BDH1: variants seen among roughly 807,000 people sequenced by gnomAD.
The protein encoded by BDH1 is D-beta-hydroxybutyrate dehydrogenase, mitochondrial.
In BDH1, 30 loss-of-function variants were observed where a neutral mutation model predicts 33.1. The ratio of observed to expected loss-of-function variants is 0.91; its 90% confidence interval spans 0.68 to 1.23. BDH1 has a LOEUF of 1.23. Ranked by LOEUF, BDH1 falls within the 50% of genes most tolerant of loss-of-function variation. BDH1 has a pLI of 0.00. For missense variants in BDH1, 443 were observed against 464.4 expected (o/e 0.95, Z 0.42); for synonymous variants, 190 against 183.6 (o/e 1.03, Z -0.28).
Position 197,523,892 on chromosome 3 carries a change from G to A in BDH1, c.268-1111C>T, listed in dbSNP as rs1243164595. Among the ~76,000 whole-genome samples the A allele has an allele frequency of 2.6e-5, 4 of 152,162 alleles. No individual in the cohort carries two copies. The highest frequency in any genetic ancestry group is 4.8e-5 in the African/African-American group (2 of 41,440). ...GCCATTGGTTGCAGGCAGTGCAGAC[G>A]CATAAGGAGGTGGTGGATGCAGGGC... On this transcript the variant is annotated intron_variant, in intron 5 of 7. Transcript: ENST00000392379. The surrounding 1 kb of genome is among the most constrained non-coding windows in gnomAD (Gnocchi z 4.5).
At chr3:197,556,586 T>C (rs546535758), upstream of BDH1, among the ~76,000 whole-genome samples, 87 of 152,320 alleles carry the variant, frequency 5.7e-4, no homozygotes, top group African/African-American at 2.1e-3. Flanking sequence ...GAGAATCGCT[T>C]GAACCCAGGA....
intron 1 of BDH1, among the ~76,000 whole-genome samples, chr3:197,572,180 A>G (rs1266352871): frequency 6.6e-6 from 1 of 152,046 alleles, no homozygotes. Flanking sequence ...ATCTTAAGGA[A>G]CTCCCCAGAC....
intron 1 of BDH1, among the ~76,000 whole-genome samples, chr3:197,561,813 C>T (rs1717269885): frequency 6.6e-6 from 1 of 152,130 alleles, no homozygotes; most frequent in Non-Finnish European, 1.5e-5. Flanking sequence ...AAAACATGCA[C>T]TTGCTTTCTG....
At chr3:197,551,740 G>C (rs1215779781) in intron 2 of BDH1, among the ~76,000 whole-genome samples, 2 of 152,116 alleles carry the variant, frequency 1.3e-5, no homozygotes, top group Non-Finnish European at 2.9e-5. Flanking sequence ...TTCTGAGAAT[G>C]CCTCATTTAT....
upstream of BDH1, among the ~76,000 whole-genome samples, chr3:197,560,648 C>T (rs568771488): frequency 1.5e-3 from 229 of 152,290 alleles, 1 homozygote; most frequent in African/African-American, 5.1e-3. Flanking sequence ...CTGAGGAAAT[C>T]AATGTTCAAG....
chr3:197,553,527 CAAAAA>C (rs750811753), intron 2 of BDH1, among the ~76,000 whole-genome samples: 15 of 97,084 alleles, frequency 1.5e-4, no homozygotes, highest in African/African-American at 4.2e-4. Context: ...GACTCTGTCT[CAAAAA>C]AAAAAAAAAA....
chr3:197,524,647 C>T (rs767792301), intron 5 of BDH1, among the ~76,000 whole-genome samples: 2 of 149,480 alleles, frequency 1.3e-5, no homozygotes, highest in Admixed American at 6.7e-5. Flanking sequence ...CAAAATGAGG[C>T]GTGATCTTCA....
intron 1 of BDH1, among the ~76,000 whole-genome samples, chr3:197,568,300 T>A (rs764131728): frequency 6.6e-6 from 1 of 152,126 alleles, no homozygotes; most frequent in Non-Finnish European, 1.5e-5. Context: ...GGTTTTTTTT[T>A]TTTGGCTGGA....
intron 2 of BDH1, among the ~76,000 whole-genome samples, chr3:197,548,154 C>A (rs1716245559): frequency 6.6e-6 from 1 of 152,236 alleles, no homozygotes; most frequent in South Asian, 2.1e-4. Flanking sequence ...GAAAGTCGGC[C>A]TGTGGCCACA....
At chr3:197,563,211 T>C (rs965526693) in intron 1 of BDH1, among the ~76,000 whole-genome samples, 1 of 152,252 alleles carries the variant, frequency 6.6e-6, no homozygotes, top group Non-Finnish European at 1.5e-5. Context: ...GTTAATTAAA[T>C]TCATTTTAAT....
At chr3:197,568,683 G>T (rs1245860237) in intron 1 of BDH1, among the ~76,000 whole-genome samples, 2 of 152,000 alleles carry the variant, frequency 1.3e-5, no homozygotes, top group Non-Finnish European at 2.9e-5. Context: ...CATGGGTATG[G>T]GTTGTCTGTA....
chr3:197,563,165 C>T (rs2108774478), intron 1 of BDH1, among the ~76,000 whole-genome samples: 1 of 152,224 alleles, frequency 6.6e-6, no homozygotes, highest in South Asian at 2.1e-4. Context: ...TATTTGAAGG[C>T]CTTTATGATA....
At chr3:197,546,256 T>A in intron 3 of BDH1, 105 bp downstream of exon 3, 1 of 1,086,276 alleles carries the variant, frequency 9.2e-7, no homozygotes, top group Non-Finnish European at 1.4e-6. Context: ...TTGAGAGACA[T>A]CTCTGAGAAT....
At position 197,512,243 on chromosome 3, in the gene BDH1, G is replaced by A. The variant is rs1000703569; in HGVS notation, c.684C>T (p.Pro228=). 2 of 1,613,620 alleles carry A rather than the reference G, an allele frequency of 1.2e-6. No homozygotes were observed. The highest frequency in any genetic ancestry group is 1.7e-6 in the Non-Finnish European group (2 of 1,180,034). ...FSDCLRYEMY[P]LGVKVSVVEP... ...CCACCACGCTGACCTTCACGCCCAG[G>A]GGGTACATCTCATAGCGCAGGCAGT... The change falls in exon 8 of 8, where the codon CCC becomes CCT. Residue 228 remains proline (P), a synonymous_variant. Transcript: ENST00000392379.
upstream of BDH1, among the ~76,000 whole-genome samples, chr3:197,558,895 G>C (rs1717170555): frequency 6.6e-6 from 1 of 152,088 alleles, no homozygotes; most frequent in African/African-American, 2.4e-5. Context: ...CATTGTATTA[G>C]TCAAGCTGTC....
chr3:197,540,466 C>T (rs1359764826), intron 3 of BDH1, among the ~76,000 whole-genome samples: 8 of 150,986 alleles, frequency 5.3e-5, no homozygotes, highest in Admixed American at 2.6e-4. Context: ...GCCAGGAGTT[C>T]GAGACCAGCC....
At chr3:197,517,010 C>T (rs1712803256) in intron 6 of BDH1, among the ~76,000 whole-genome samples, 1 of 152,116 alleles carries the variant, frequency 6.6e-6, no homozygotes, top group African/African-American at 2.4e-5. Context: ...ACCCAGATCT[C>T]TCTGAGGACA....
rs1028437321 is a variant in BDH1 at position 197,521,625 on chromosome 3, G to T, written c.409+1015C>A. Among the ~76,000 whole-genome samples, 3 of 152,044 alleles carry T rather than the reference G, an allele frequency of 2.0e-5. No homozygotes were observed. The highest frequency in any genetic ancestry group is 2.9e-5 in the Non-Finnish European group (2 of 67,996). On this transcript the variant is annotated intron_variant, in intron 6 of 7. Transcript: ENST00000392379. The surrounding 1 kb of genome is among the most constrained non-coding windows in gnomAD (Gnocchi z 4.9). Reference sequence around the variant, plus strand: ...GCCTGGACATTCCCTCAGGGTGGGCGCTTCAGTGTCTCCCTATCTCCCCAC... The same window carrying T: ...GCCTGGACATTCCCTCAGGGTGGGCTCTTCAGTGTCTCCCTATCTCCCCAC...
intron 6 of BDH1, among the ~76,000 whole-genome samples, chr3:197,518,868 C>T (rs1187501833): frequency 2.9e-5 from 2 of 70,136 alleles, no homozygotes; most frequent in African/African-American, 5.8e-5. Context: ...TCATCAGTCA[C>T]TTCCTGCTCT....
Sources: gnomAD v4.1 joint callset for allele counts (sites outside exome capture counted in the v4.1 genomes callset) on GRCh38, gnomAD v4.1.1 for gene constraint, Gnocchi (gnomAD v3.1) non-coding constraint, MANE v1.5 for transcripts, NCBI Gene and HGNC (gene_info 2026-07-23, HGNC 2026-07-21) for gene names.